TMEM151B: variants seen among roughly 807,000 people sequenced by gnomAD.
The protein encoded by TMEM151B is transmembrane protein 151B, also known as transmembrane protein 193.
In TMEM151B, 18 loss-of-function variants were observed where a neutral mutation model predicts 33.0. The ratio of observed to expected loss-of-function variants is 0.55; its 90% CI spans 0.38 to 0.81. The LOEUF is 0.81. TMEM151B is among the 30% of genes least tolerant of loss of function. The probability of loss-of-function intolerance (pLI) is 0.00; values close to 1 mark genes in which losing one functional copy is unlikely to be tolerated. For missense variants in TMEM151B, 672 were observed against 843.4 expected (o/e 0.80, Z 2.52); for synonymous variants, 354 against 373.6 (o/e 0.95, Z 0.61).
Position 44,276,738 on chromosome 6 carries a change from C to G in TMEM151B, c.*211C>G. ...CCGATGGGTGGGAGGGGGTCGGCTGCTCCCCGAGATCCCCCTGGCAGAGTC... is the reference window on the plus strand; with the variant it reads ...CCGATGGGTGGGAGGGGGTCGGCTGGTCCCCGAGATCCCCCTGGCAGAGTC... On this transcript the variant is annotated 3_prime_UTR_variant, in exon 3 of 3. Coordinates refer to ENST00000451188, the MANE Select transcript of TMEM151B (RefSeq NM_001137560.2). 9.5e-7 allele frequency: 1 copy of G among 1,050,646 alleles called. No individual in the cohort carries two copies. The highest frequency in any genetic ancestry group is 1.6e-5 in the African/African-American group (1 of 60,866). The allele number at this position is 1,050,646 out of a possible 1,614,324, so 65.1% of individuals were successfully genotyped here.
Position 44,273,490 on chromosome 6 carries a change from C to T in TMEM151B, c.560C>T (p.Ala187Val), listed in dbSNP as rs1561917371. ...GTCACCAGATACCGCAATGGAGACGCCTATACCACCACCCAGGTGAGGAGC... is the reference window on the plus strand; with the variant it reads ...GTCACCAGATACCGCAATGGAGACGTCTATACCACCACCCAGGTGAGGAGC... ...RQVTRYRNGD[A>V]YTTTQVYHER... The change falls in exon 2 of 3, where the codon GCC becomes GTC. Residue 187 changes from alanine to valine, a missense_variant. By Grantham distance (64) the Ala-to-Val change is moderately conservative. Transcript: ENST00000451188. 1 of 1,544,146 alleles carries T rather than the reference C, an allele frequency of 6.5e-7. No individual in the cohort carries two copies. Among genetic ancestry groups the T allele is most frequent in the Admixed American group, 2.0e-5 (1 of 50,890 alleles).
rs917830439 is a variant in TMEM151B, at chr6:44,273,105, C to G, written c.175C>G (p.Arg59Gly). The G allele has an allele frequency of 2.6e-6, 4 of 1,514,000 alleles. No homozygotes were observed. Among genetic ancestry groups the G allele is most frequent in the South Asian group, 1.3e-5 (1 of 78,196 alleles). 93.8% of individuals were successfully genotyped at this position (1,514,000 alleles called of 1,614,324 possible). A position where few individuals can be genotyped will look rare whatever the true frequency, so the allele number is the denominator to read the frequency against. The change falls in exon 2 of 3, where the codon CGT becomes GGT. Residue 59 changes from arginine (R) to glycine (G), a missense_variant. Arg to Gly is a moderately radical substitution (Grantham distance 125). Coordinates refer to ENST00000451188, the MANE Select transcript of TMEM151B (RefSeq NM_001137560.2). The part of the protein sequence containing the change: ...IQPSFTKSLC[R>G]ESHWKCLLLS... ...GCCCTCTTTCACCAAGTCCCTCTGC[C>G]GTGAGTCCCACTGGAAGTGCCTCCT...
rs1782648916 is a variant in TMEM151B at position 44,277,730 on chromosome 6, T to G, written c.*1203T>G. 6.6e-6 allele frequency: 1 copy of G among 152,198 alleles called. No individual in the cohort carries two copies. The highest frequency in any genetic ancestry group is 1.5e-5 in the Non-Finnish European group (1 of 68,036). 9.4% of individuals were successfully genotyped at this position (152,198 alleles called of 1,614,324 possible). On this transcript the variant is annotated 3_prime_UTR_variant, in exon 3 of 3. Transcript: ENST00000451188. The stretch of plus-strand genomic sequence containing the variant: ...TAAATCTTGCCCAACCCTTCCATCC[T>G]TCCCTATCCTATGAGCTGAAGCCCT...
chr6:44,276,036 G>T lies in TMEM151B; in HGVS notation c.1210G>T (p.Gly404Trp). The T allele has an allele frequency of 1.5e-6, 2 of 1,351,438 alleles. No individual in the cohort carries two copies. The highest frequency in any genetic ancestry group is 1.9e-6 in the Non-Finnish European group (2 of 1,056,142). The allele number at this position is 1,351,438 out of a possible 1,614,324, so 83.7% of individuals were successfully genotyped here. The change falls in exon 3 of 3, where the codon GGG becomes TGG. Residue 404 changes from glycine to tryptophan, a missense_variant. By Grantham distance (184) the Gly-to-Trp change is radical (BLOSUM62 -2). Around this residue, in one of 3 missense-constraint regions of TMEM151B, gnomAD observed 324 missense variants for 363.1 expected, o/e 0.89. Coordinates refer to ENST00000451188, the MANE Select transcript of TMEM151B (RefSeq NM_001137560.2). ...DLAGLGTRCG[G>W]AGGGYAPSCR... ...GGCGGGGCTCGGGACGCGCTGCGGCGGGGCAGGCGGCGGCTACGCGCCCTC... is the reference window on the plus strand; with the variant it reads ...GGCGGGGCTCGGGACGCGCTGCGGCTGGGCAGGCGGCGGCTACGCGCCCTC...
chr6:44,273,820 T>A (rs1014288954), intron 2 of TMEM151B, among the ~76,000 whole-genome samples: 8 of 152,226 alleles, frequency 5.3e-5, no homozygotes, highest in Non-Finnish European at 1.2e-4. Flanking sequence ...GTTTAAGTAA[T>A]GTGTCTAAGG....
intron 1 of TMEM151B, among the ~76,000 whole-genome samples, 194 bp downstream of exon 1, chr6:44,271,071 C>T (rs1402677314): frequency 1.3e-5 from 2 of 150,264 alleles, no homozygotes; most frequent in Non-Finnish European, 3.0e-5. Context: ...GAAGGGGCCG[C>T]GCCGGGGGCG....
At chr6:44,273,914 G>A (rs80118001) in intron 2 of TMEM151B, among the ~76,000 whole-genome samples, 4,529 of 152,268 alleles carry the variant, frequency 0.03, 112 homozygotes, top group Non-Finnish European at 0.042. Flanking sequence ...GTGCTTAATG[G>A]ATCTACTTAG....
intron 2 of TMEM151B, among the ~76,000 whole-genome samples, chr6:44,274,904 G>A (rs908541223): frequency 6.6e-6 from 1 of 151,962 alleles, no homozygotes; most frequent in Admixed American, 6.6e-5. Context: ...GGATCACGAG[G>A]TCAAGAGATC....
intron 2 of TMEM151B, among the ~76,000 whole-genome samples, chr6:44,275,132 A>AG (rs999786428): frequency 1.4e-5 from 2 of 138,942 alleles, no homozygotes; most frequent in Non-Finnish European, 3.2e-5. Flanking sequence ...AAAAAAAAAA[A>AG]AAAAGAAAAA....
Position 44,271,377 on chromosome 6 carries a change from GT to G in TMEM151B, c.135+501del, listed in dbSNP as rs1385860247. The stretch of plus-strand genomic sequence containing the variant: ...TGTGTGTGTGTGTGTGTGGGGGGGG[GT>G]GTGCACCTCTCTCTCACGAGGCTCC... On this transcript the variant is annotated intron_variant, in intron 1 of 2. Transcript: ENST00000451188. Among the ~76,000 whole-genome samples the G allele has an allele frequency of 3.1e-4, 40 of 128,692 alleles. 1 individual carries two copies. Among genetic ancestry groups the G allele is most frequent in the African/African-American group, 1.2e-3 (39 of 32,280 alleles). 84.4% of individuals were successfully genotyped at this position (128,692 alleles called of 152,430 possible).
chr6:44,274,956 A>G (rs1452911576), intron 2 of TMEM151B, among the ~76,000 whole-genome samples: 1 of 151,984 alleles, frequency 6.6e-6, no homozygotes, highest in Non-Finnish European at 1.5e-5. Flanking sequence ...GTCTCTACTA[A>G]AAACACAAAA....
In TMEM151B at chr6:44,273,077, C is replaced by T. The variant is rs1440518199; in HGVS notation, c.147C>T (p.Ile49=). 5 of 1,497,144 alleles carry T rather than the reference C, an allele frequency of 3.3e-6. No individual in the cohort carries two copies. 92.7% of individuals were successfully genotyped at this position (1,497,144 alleles called of 1,614,324 possible). A position where few individuals can be genotyped will look rare whatever the true frequency, so the allele number is the denominator to read the frequency against. ...EGPAREEQRP[I]QPSFTKSLCR... ...GCCCACCTGAGCAGCAGCGTCCCAT[C>T]CAGCCCTCTTTCACCAAGTCCCTCT... The change falls in exon 2 of 3, where the codon ATC becomes ATT. Residue 49 remains isoleucine (I), a synonymous_variant. Transcript: ENST00000451188.
chr6:44,275,350 G>A, intron 2 of TMEM151B, 53 bp from the exon 3 acceptor site: 2 of 1,453,530 alleles, frequency 1.4e-6, no homozygotes, highest in South Asian at 1.4e-5. Flanking sequence ...GGGCAGAAGC[G>A]GGCACCAATG....
At position 44,270,780 on chromosome 6, in the gene TMEM151B, CCGGCGG is replaced by C. The variant is rs1307963698; in HGVS notation, c.51_56del (p.Gly20_Gly21del). On this transcript the variant is annotated inframe_deletion, in exon 1 of 3. Coordinates refer to ENST00000451188, the MANE Select transcript of TMEM151B (RefSeq NM_001137560.2). The stretch of plus-strand genomic sequence containing the variant: ...GGCTCGGCCGCGGGAGAGAGCGCCG[CCGGCGG>C]CGGCGGCGGCGGTGGCGGCCCCGGG... The C allele has an allele frequency of 1.3e-5, 14 of 1,115,326 alleles. No homozygotes were observed. The highest frequency in any genetic ancestry group is 4.3e-5 in the South Asian group (1 of 23,074). 69.1% of individuals were successfully genotyped at this position (1,115,326 alleles called of 1,614,324 possible).
At chr6:44,273,650 C>A in intron 2 of TMEM151B, 144 bp downstream of exon 2, 2 of 886,678 alleles carry the variant, frequency 2.3e-6, no homozygotes, top group Non-Finnish European at 1.7e-6. Context: ...AACAGCAGGG[C>A]AATAGCAACA....
Position 44,276,015 on chromosome 6 carries a change from G to T in TMEM151B, c.1189G>T (p.Gly397Trp). ...TGAGGCGGTGCTCATGGACCTGGCG[G>T]GGCTCGGGACGCGCTGCGGCGGGGC... ...YSEAVLMDLA[G>W]LGTRCGGAGG... Residue 397 changes from glycine (G) to tryptophan (W), a missense_variant, in exon 3 of 3, where the codon GGG becomes TGG. Transcript: ENST00000451188. 1 of 1,361,426 alleles carries T rather than the reference G, an allele frequency of 7.3e-7. No homozygotes were observed. 84.3% of individuals were successfully genotyped at this position (1,361,426 alleles called of 1,614,324 possible).
At position 44,270,866 on chromosome 6, in the gene TMEM151B, G is replaced by C; in HGVS notation, c.124G>C (p.Ala42Pro). 2 of 1,099,742 alleles carry C rather than the reference G, an allele frequency of 1.8e-6. No homozygotes were observed. Among genetic ancestry groups the C allele is most frequent in the Non-Finnish European group, 2.2e-6 (2 of 905,732 alleles). The allele number at this position is 1,099,742 out of a possible 1,614,324, so 68.1% of individuals were successfully genotyped here. Residue 42 changes from alanine to proline, a missense_variant, in exon 1 of 3, where the codon GCC becomes CCC. Physicochemically the swap from Ala to Pro is conservative, Grantham distance 27. Around this residue, in one of 3 missense-constraint regions of TMEM151B, gnomAD observed 63 missense variants for 57.2 expected, o/e 1.10. Transcript: ENST00000451188. ...AGCGGCGGCGGCGGACGAGGGCCCC[G>C]CCCGAGAGGAGGTGAGAGTCTAGGG... The part of the protein sequence containing the change: ...AAAAAADEGP[A>P]REEQRPIQPS...
At chr6:44,271,259 G>A (rs1220844027) in intron 1 of TMEM151B, among the ~76,000 whole-genome samples, 11 of 151,754 alleles carry the variant, frequency 7.2e-5, no homozygotes, top group African/African-American at 2.7e-4. Context: ...TACAGAACGA[G>A]GAGGGTACCA....
chr6:44,276,918 G>A lies in TMEM151B; in HGVS notation c.*391G>A, dbSNP rs935247794. ...TGGCATGCGGATGGGAGATTTAGAGGCTGTGGAGAAGGGAACTTGGGGCTT... is the reference window on the plus strand; with the variant it reads ...TGGCATGCGGATGGGAGATTTAGAGACTGTGGAGAAGGGAACTTGGGGCTT... On this transcript the variant is annotated 3_prime_UTR_variant, in exon 3 of 3. Transcript: ENST00000451188. The A allele has an allele frequency of 2.3e-5, 4 of 174,444 alleles. No individual in the cohort carries two copies. The Admixed American group carries it at 2.5e-4, about 11-fold the overall frequency. The allele number at this position is 174,444 out of a possible 1,614,324, so 10.8% of individuals were successfully genotyped here.
Sources: allele counts gnomAD v4.1 joint callset (sites outside exome capture counted in the v4.1 genomes callset), GRCh38; gene constraint gnomAD v4.1.1; regional missense constraint gnomAD v4.1.1; transcripts MANE v1.5; gene names NCBI Gene and HGNC (gene_info 2026-07-23, HGNC 2026-07-21).